Variants in PCDHGA1 observed in about 807,000 individuals in gnomAD.
PCDHGA1 encodes the protein protocadherin gamma subfamily A, 1, also known as protocadherin gamma-A1.
PCDHGA1 carries 32 observed loss-of-function variants against 58.0 expected under a neutral mutation model. The ratio of observed to expected loss-of-function variants is 0.55; its 90% confidence interval spans 0.42 to 0.74. The LOEUF is 0.74. Ranked by LOEUF, PCDHGA1 falls within the 30% of genes least tolerant of loss-of-function variation. The probability of loss-of-function intolerance (pLI) is 0.00; values close to 1 mark genes in which losing one functional copy is unlikely to be tolerated. For synonymous variants in PCDHGA1, 498 were observed against 501.1 expected (o/e 0.99, Z 0.08); for missense variants, 1,205 against 1,182.3 (o/e 1.02, Z -0.28).
rs151037104 is a variant in PCDHGA1, at chr5:141,393,242, C to G, written c.2421+60137C>G. 3 of 1,613,778 alleles carry G rather than the reference C, an allele frequency of 1.9e-6. 1 individual carries two copies. The East Asian group carries it at 6.7e-5, about 36-fold the overall frequency. ...TCGAAGATCTAGAAGTAAAAATTAA[C>G]GAAATCGCGGTTCCTGGAGCACGTT... On this transcript the variant is annotated intron_variant, in intron 1 of 3. Coordinates refer to ENST00000517417, the MANE Select transcript of PCDHGA1 (RefSeq NM_018912.3).
At chr5:141,463,955 A>G (rs2154568299) in intron 1 of PCDHGA1, among the ~76,000 whole-genome samples, 1 of 152,288 alleles carries the variant, frequency 6.6e-6, no homozygotes, top group Middle Eastern at 3.4e-3. Flanking sequence ...CTTCATTTTT[A>G]AAATAGCTTC....
Position 141,332,163 on chromosome 5 carries a change from G to T in PCDHGA1, c.1479G>T (p.Glu493Asp). The change falls in exon 1 of 4, where the codon GAG (glutamate) becomes GAT (aspartate). Residue 493 changes from glutamate (E) to aspartate (D), a missense_variant. Coordinates refer to ENST00000517417, the MANE Select transcript of PCDHGA1 (RefSeq NM_018912.3). The surrounding 1 kb of genome is among the most constrained non-coding windows in gnomAD (Gnocchi z 4.6). The stretch of plus-strand genomic sequence containing the variant: ...CACAAATCACTTACTCCCTAATAGA[G>T]GACACTATCCAGGGGGCACCCCTAT... ...ENAQITYSLI[E>D]DTIQGAPLSA... 1 of 1,614,154 alleles carries T rather than the reference G, an allele frequency of 6.2e-7. No homozygotes were observed. Among genetic ancestry groups the T allele is most frequent in the South Asian group, 1.1e-5 (1 of 91,080 alleles).
intron 1 of PCDHGA1, chr5:141,430,828 G>C (rs760402028): frequency 1.3e-6 from 2 of 1,554,030 alleles, no homozygotes; most frequent in East Asian, 2.2e-5. Context: ...TGGGGACTCT[G>C]TGGGAGACCG....
At chr5:141,419,543 G>T (rs573594140) in intron 1 of PCDHGA1, 1 of 1,612,106 alleles carries the variant, frequency 6.2e-7, no homozygotes, top group East Asian at 2.2e-5. Flanking sequence ...CGCACCGCGG[G>T]TGCTGTACCC....
At chr5:141,463,532 T>G (rs1237301892) in intron 1 of PCDHGA1, among the ~76,000 whole-genome samples, 1 of 133,692 alleles carries the variant, frequency 7.5e-6, no homozygotes, top group African/African-American at 2.8e-5. Flanking sequence ...TACTAGAAAC[T>G]CCGGCTCCCG....
intron 1 of PCDHGA1, chr5:141,395,544 G>GTTTGTT (rs70988801): frequency 1.5e-3 from 17 of 11,560 alleles, no homozygotes; most frequent in African/African-American, 4.5e-3. Flanking sequence ...GCTATTGTTT[G>GTTTGTT]TGTGTGTGTG....
chr5:141,395,589 T>C (rs1254958503), intron 1 of PCDHGA1: 2 of 194,644 alleles, frequency 1.0e-5, no homozygotes, highest in Admixed American at 1.2e-4. Context: ...TGTGTGTGTG[T>C]GTATCCCAAA....
intron 1 of PCDHGA1, chr5:141,423,762 G>T: frequency 2.3e-5 from 6 of 264,236 alleles, no homozygotes; most frequent in Non-Finnish European, 3.4e-5. Context: ...GGGGGGGGGT[G>T]GGGCGGCATA....
rs375665864 is a variant in PCDHGA1, at chr5:141,469,524, A to G, written c.2422-25283A>G. Among the ~76,000 whole-genome samples the G allele has an allele frequency of 2.4e-4, 36 of 152,260 alleles. No homozygotes were observed. The East Asian group carries it at 3.1e-3, about 13-fold the overall frequency. On this transcript the variant is annotated intron_variant, in intron 1 of 3. Coordinates refer to ENST00000517417, the MANE Select transcript of PCDHGA1 (RefSeq NM_018912.3). ...CGGGAGGTGGAGGTTGCAGTGAGCCAAGATTGTGCCACTGCACTCCAGCCT... is the reference window on the plus strand; with the variant it reads ...CGGGAGGTGGAGGTTGCAGTGAGCCGAGATTGTGCCACTGCACTCCAGCCT...
At chr5:141,346,499 G>A (rs1411471058) in intron 1 of PCDHGA1, 1 of 1,611,114 alleles carries the variant, frequency 6.2e-7, no homozygotes, top group Non-Finnish European at 8.5e-7. Flanking sequence ...ACAAATATGA[G>A]AATGTGGTTA....
intron 1 of PCDHGA1, chr5:141,389,657 G>C (rs372714152): frequency 8.1e-6 from 13 of 1,612,432 alleles, no homozygotes; most frequent in African/African-American, 2.7e-5. Context: ...AGGTAGTGGC[G>C]GTGGACGCAG....
chr5:141,412,050 A>G (rs1465943762), intron 1 of PCDHGA1: 1 of 152,222 alleles, frequency 6.6e-6, no homozygotes, highest in African/African-American at 2.4e-5. Flanking sequence ...GTGAACTTCT[A>G]TACCCTTTGC....
At chr5:141,360,207 G>C in intron 1 of PCDHGA1, 1 of 1,613,064 alleles carries the variant, frequency 6.2e-7, no homozygotes, top group Non-Finnish European at 8.5e-7. Flanking sequence ...TGTTGTCTTT[G>C]TTCCCCGGGG....
At chr5:141,351,464 A>C (rs906251737) in intron 1 of PCDHGA1, 5 of 1,613,718 alleles carry the variant, frequency 3.1e-6, no homozygotes, top group Non-Finnish European at 4.2e-6. Flanking sequence ...CAAGCTGGTG[A>C]TTGCTGGAGC....
chr5:141,433,256 C>T, intron 1 of PCDHGA1: 2 of 1,385,666 alleles, frequency 1.4e-6, no homozygotes, highest in Non-Finnish European at 2.0e-6. Context: ...TGCAGCGGTA[C>T]GATCATAGCT....
chr5:141,370,343 T>G (rs1460750317), intron 1 of PCDHGA1: 1 of 1,482,818 alleles, frequency 6.7e-7, no homozygotes, highest in African/African-American at 1.4e-5. Context: ...CTTGGGATTA[T>G]TTAAAGATCT....
intron 1 of PCDHGA1, chr5:141,384,575 C>G (rs754018989): frequency 6.2e-7 from 1 of 1,614,258 alleles, no homozygotes; most frequent in East Asian, 2.2e-5. Context: ...AATGACAACC[C>G]GCCCGAGATC....
At chr5:141,385,492 A>T in intron 1 of PCDHGA1, 15 of 1,394,884 alleles carry the variant, frequency 1.1e-5, no homozygotes, top group Non-Finnish European at 1.4e-5. Flanking sequence ...AACACATAGG[A>T]TATAGTATTT....
rs2099884413 is a variant in PCDHGA1, at chr5:141,512,781, G to A, written c.*1608G>A. ...CCTTGATCTGCCCGCGGCGGCCCGT[G>A]TTGTGTTTTGTGCTGTGTCCACGCG... is the stretch of plus-strand genomic sequence containing the variant. On this transcript the variant is annotated 3_prime_UTR_variant, in exon 4 of 4. Transcript: ENST00000517417. 1 of 152,534 alleles carries A rather than the reference G, an allele frequency of 6.6e-6. No individual in the cohort carries two copies. Among genetic ancestry groups the A allele is most frequent in the African/African-American group, 2.4e-5 (1 of 41,444 alleles). 9.4% of individuals were successfully genotyped at this position (152,534 alleles called of 1,614,324 possible). A position where few individuals can be genotyped will look rare whatever the true frequency, so the allele number is the denominator to read the frequency against.
Sources: allele counts gnomAD v4.1 joint callset (sites outside exome capture counted in the v4.1 genomes callset), GRCh38; gene constraint gnomAD v4.1.1; non-coding constraint Gnocchi (gnomAD v3.1); transcripts MANE v1.5; gene names NCBI Gene and HGNC (gene_info 2026-07-23, HGNC 2026-07-21).